The following EYA4 variants were observed in gnomAD, a reference collection of about 807,000 sequenced individuals.
EYA4 encodes the protein protein phosphatase EYA4.
A neutral mutation model predicts 87.9 loss-of-function variants in EYA4; 31 were observed. That is an observed-to-expected ratio of 0.35 (90% CI 0.27 to 0.48). The LOEUF is 0.48. Ranked by LOEUF, EYA4 falls within the 20% of genes least tolerant of loss-of-function variation. The pLI, the probability that EYA4 is intolerant of heterozygous loss-of-function variation, is 0.99. For synonymous variants in EYA4, 263 were observed against 270.6 expected (o/e 0.97, Z 0.28); for missense variants, 678 against 761.4 (o/e 0.89, Z 1.29).
At chr6:133,347,425 G>A (rs1168295525) in intron 2 of EYA4, among the ~76,000 whole-genome samples, 1 of 151,852 alleles carries the variant, frequency 6.6e-6, no homozygotes, top group African/African-American at 2.4e-5. Flanking sequence ...GATTTAAAAT[G>A]TGTTAATTAT....
Position 133,321,868 on chromosome 6 carries a change from G to T in EYA4, c.33+47055G>T, listed in dbSNP as rs371158434. The stretch of plus-strand genomic sequence containing the variant: ...CTCTCTACTGTTTGAGCTCCCTTAG[G>T]CTCATGGTCTCAGGAGCCAGATTCT... On this transcript the variant is annotated intron_variant, in intron 2 of 19. Coordinates refer to ENST00000355286, the MANE Select transcript of EYA4 (RefSeq NM_004100.5). Among the ~76,000 whole-genome samples the T allele has an allele frequency of 2.0e-4, 31 of 152,226 alleles. No homozygotes were observed. In the South Asian group the frequency reaches 6.2e-3, roughly 31 times the overall value.
At chr6:133,458,441 T>C (rs1179842225) in intron 6 of EYA4, among the ~76,000 whole-genome samples, 1 of 152,108 alleles carries the variant, frequency 6.6e-6, no homozygotes, top group Non-Finnish European at 1.5e-5. Flanking sequence ...AGCTACCATA[T>C]TGGACAGCTC....
At chr6:133,457,859 C>G (rs1455387251) in intron 6 of EYA4, among the ~76,000 whole-genome samples, 1 of 152,160 alleles carries the variant, frequency 6.6e-6, no homozygotes, top group Non-Finnish European at 1.5e-5. Flanking sequence ...TGCTGACCTA[C>G]TTCAGTAGTA....
intron 2 of EYA4, among the ~76,000 whole-genome samples, chr6:133,279,777 A>C (rs146956566): frequency 5.5e-4 from 83 of 152,272 alleles, no homozygotes; most frequent in African/African-American, 1.9e-3. Context: ...GCCCATCTTT[A>C]AAACGTGTAC....
rs112265853 is a variant in EYA4 at position 133,327,453 on chromosome 6, A to G, written c.33+52640A>G. ...GGTCTTTAAAATATTTTTTTAAGGAACCTTATCATCAGTGCTCAAAGATAG... is the reference window on the plus strand; with the variant it reads ...GGTCTTTAAAATATTTTTTTAAGGAGCCTTATCATCAGTGCTCAAAGATAG... On this transcript the variant is annotated intron_variant, in intron 2 of 19. Transcript: ENST00000355286. 5.7e-4 allele frequency among the ~76,000 whole-genome samples: 87 copies of G among 152,254 alleles called. No homozygotes were observed. The Middle Eastern group carries it at 0.014, about 24-fold the overall frequency.
intron 9 of EYA4, among the ~76,000 whole-genome samples, chr6:133,464,306 G>A (rs561223876): frequency 1.3e-5 from 2 of 152,224 alleles, no homozygotes; most frequent in East Asian, 3.9e-4. Flanking sequence ...CTAAAGAAAA[G>A]ACAAAGGGAA....
At position 133,391,222 on chromosome 6, in the gene EYA4, G is replaced by GTTTTTTTTTTTT. The variant is rs531819011; in HGVS notation, c.83+8786_83+8797dup. Among the ~76,000 whole-genome samples the GTTTTTTTTTTTT allele has an allele frequency of 7.4e-3, 660 of 89,600 alleles. 12 individuals carry two copies. Among genetic ancestry groups the GTTTTTTTTTTTT allele is most frequent in the African/African-American group, 0.02 (599 of 30,024 alleles). The allele number at this position is 89,600 out of a possible 152,430, so 58.8% of individuals were successfully genotyped here. ...CTATTATTTTTTGGGTTTTGTTTTTGTTTTTTTTTTTTTTTTGAGATGGAG... is the reference window on the plus strand; with the variant it reads ...CTATTATTTTTTGGGTTTTGTTTTTGTTTTTTTTTTTTTTTTTTTTTTTTTTTTGAGATGGAG... On this transcript the variant is annotated intron_variant, in intron 3 of 19. Coordinates refer to ENST00000355286, the MANE Select transcript of EYA4 (RefSeq NM_004100.5).
rs147560213 is a variant in EYA4 at position 133,353,507 on chromosome 6, T to G, written c.34-28885T>G. On this transcript the variant is annotated intron_variant, in intron 2 of 19. Transcript: ENST00000355286. ...AACACACATAAAAAGTAACTCTATA[T>G]TTGTTCTGTAGGATCAAGGACACTT... 9.7e-3 allele frequency among the ~76,000 whole-genome samples: 1,482 copies of G among 152,286 alleles called. 23 individuals carry two copies. The highest frequency in any genetic ancestry group is 0.033 in the African/African-American group (1,358 of 41,582).
At chr6:133,344,328 C>A in intron 2 of EYA4, among the ~76,000 whole-genome samples, 1 of 152,214 alleles carries the variant, frequency 6.6e-6, no homozygotes, top group African/African-American at 2.4e-5. Flanking sequence ...CAAGAGATAT[C>A]TATGCCCCTT....
At chr6:133,341,660 TA>T (rs35613080) in intron 2 of EYA4, among the ~76,000 whole-genome samples, 44,261 of 150,186 alleles carry the variant, frequency 0.29, 7,119 homozygotes, top group Middle Eastern at 0.42. Context: ...ATAGTTGCAT[TA>T]AAAAAAAAAC....
intron 2 of EYA4, among the ~76,000 whole-genome samples, chr6:133,309,738 G>A (rs1371981539): frequency 6.6e-6 from 1 of 152,164 alleles, no homozygotes; most frequent in Non-Finnish European, 1.5e-5. Flanking sequence ...GGATCTTAAA[G>A]TTCTCTGGCA....
intron 2 of EYA4, among the ~76,000 whole-genome samples, chr6:133,329,100 T>C (rs1362874413): frequency 6.6e-6 from 1 of 152,094 alleles, no homozygotes; most frequent in Non-Finnish European, 1.5e-5. Context: ...TTTTATTTGC[T>C]CCAACTGTAC....
chr6:133,398,530 C>A (rs914784896), intron 3 of EYA4, among the ~76,000 whole-genome samples: 1 of 151,922 alleles, frequency 6.6e-6, no homozygotes, highest in Non-Finnish European at 1.5e-5. Context: ...CTCATATTTT[C>A]ATGTTGCCTT....
chr6:133,263,275 T>A (rs1383342458), intron 1 of EYA4, among the ~76,000 whole-genome samples: 1 of 152,184 alleles, frequency 6.6e-6, no homozygotes. Flanking sequence ...AGATAGCTCA[T>A]GAAATGCAAG....
intron 6 of EYA4, among the ~76,000 whole-genome samples, chr6:133,457,302 A>T (rs79150762): frequency 0.014 from 2,062 of 152,248 alleles, 41 homozygotes; most frequent in African/African-American, 0.044. Context: ...ACTTAATTAA[A>T]TTTTTTTAAG....
chr6:133,276,744 A>G (rs1234546113), intron 2 of EYA4, among the ~76,000 whole-genome samples: 3 of 152,188 alleles, frequency 2.0e-5, no homozygotes, highest in Non-Finnish European at 4.4e-5. Flanking sequence ...AGAGATGCTT[A>G]GAACTGTTAA....
intron 3 of EYA4, among the ~76,000 whole-genome samples, chr6:133,383,053 C>T (rs1166817389): frequency 1.3e-5 from 2 of 152,096 alleles, no homozygotes; most frequent in African/African-American, 4.8e-5. Context: ...ATTTCAAAGT[C>T]CAGGCTGCAA....
At chr6:133,515,644 T>C (rs1799535880) in intron 17 of EYA4, among the ~76,000 whole-genome samples, 1 of 151,754 alleles carries the variant, frequency 6.6e-6, no homozygotes, top group Non-Finnish European at 1.5e-5. Flanking sequence ...TGTGTGTGTG[T>C]GTGTGTGTGT....
intron 3 of EYA4, among the ~76,000 whole-genome samples, chr6:133,391,740 C>T (rs1354677864): frequency 6.6e-6 from 1 of 152,080 alleles, no homozygotes; most frequent in Non-Finnish European, 1.5e-5. Context: ...CTCTGGGAGC[C>T]TATGAATTGG....
Sources: allele counts gnomAD v4.1 joint callset (sites outside exome capture counted in the v4.1 genomes callset), GRCh38; gene constraint gnomAD v4.1.1; transcripts MANE v1.5; gene names NCBI Gene and HGNC (gene_info 2026-07-23, HGNC 2026-07-21).